The following TMEM74 variants were observed in gnomAD, a reference collection of about 807,000 sequenced individuals.
The protein encoded by TMEM74 is transmembrane protein 74.
TMEM74 carries 13 observed loss-of-function variants against 18.1 expected under a neutral mutation model. The observed-to-expected ratio is 0.72, with a 90% confidence interval of 0.47 to 1.14. TMEM74 has a LOEUF of 1.14. TMEM74 is among the 50% of genes most tolerant of loss of function. The probability of loss-of-function intolerance (pLI) is 0.00; values close to 1 mark genes in which losing one functional copy is unlikely to be tolerated. For missense variants in TMEM74, 372 were observed against 375.9 expected (o/e 0.99, Z 0.09); for synonymous variants, 159 against 146.6 (o/e 1.08, Z -0.61).
Position 108,784,688 on chromosome 8 carries a change from C to G in TMEM74, c.411G>C (p.Gly137=). The change falls in exon 2 of 2, where the codon GGG becomes GGC. Residue 137 remains glycine (G), a synonymous_variant. Coordinates refer to ENST00000297459, the MANE Select transcript of TMEM74 (RefSeq NM_153015.3). Reference sequence around the variant, plus strand: ...CATTTGGATTTTCCCAGCCAAGCTCCCCAGGGTGATTATGCCCTTTTGCTG... The same window carrying G: ...CATTTGGATTTTCCCAGCCAAGCTCGCCAGGGTGATTATGCCCTTTTGCTG... ...SPSAKGHNHP[G]ELGWENPNEW... is the part of the protein sequence containing the mutation. 6.2e-7 allele frequency: 1 copy of G among 1,614,170 alleles called. No homozygotes were observed. The highest frequency in any genetic ancestry group is 8.5e-7 in the Non-Finnish European group (1 of 1,180,016).
At chr8:108,760,239 C>T (rs1467268289) in intron 1 of TMEM74, among the ~76,000 whole-genome samples, 1 of 151,612 alleles carries the variant, frequency 6.6e-6, no homozygotes, top group African/African-American at 2.4e-5. Context: ...CTTTGACAAA[C>T]AGACCATATA....
At chr8:108,731,630 C>A (rs1813696412) in intron 1 of TMEM74, among the ~76,000 whole-genome samples, 1 of 152,168 alleles carries the variant, frequency 6.6e-6, no homozygotes, top group African/African-American at 2.4e-5. Context: ...TAATAATTTT[C>A]TGTCTTATGC....
chr8:108,737,587 A>G (rs545920775), intron 1 of TMEM74, among the ~76,000 whole-genome samples: 2 of 152,286 alleles, frequency 1.3e-5, no homozygotes, highest in South Asian at 4.1e-4. Flanking sequence ...TATTGACAGA[A>G]AGACACTAAG....
At chr8:108,609,437 CAGGA>C (rs1265067600) in intron 2 of TMEM74, among the ~76,000 whole-genome samples, 1 of 152,142 alleles carries the variant, frequency 6.6e-6, no homozygotes, top group Non-Finnish European at 1.5e-5. Context: ...CACTTGAGGT[CAGGA>C]ATTGGATACC....
At chr8:108,677,912 A>T (rs898716023) in intron 1 of TMEM74, among the ~76,000 whole-genome samples, 2 of 152,098 alleles carry the variant, frequency 1.3e-5, no homozygotes, top group African/African-American at 4.8e-5. Context: ...GCGTGACCCA[A>T]GTTTTGACAA....
chr8:108,712,285 T>C (rs776142027), intron 1 of TMEM74, among the ~76,000 whole-genome samples: 19 of 152,200 alleles, frequency 1.2e-4, no homozygotes, highest in South Asian at 2.1e-4. Context: ...GTTTCCCCAT[T>C]GTTTAAATCA....
chr8:108,673,788 G>T (rs1813026991), intron 1 of TMEM74, among the ~76,000 whole-genome samples: 1 of 152,148 alleles, frequency 6.6e-6, no homozygotes, highest in Non-Finnish European at 1.5e-5. Flanking sequence ...GCTGAGATCA[G>T]AACAGATATT....
chr8:108,756,859 A>G (rs937036641), intron 1 of TMEM74, among the ~76,000 whole-genome samples: 5 of 151,790 alleles, frequency 3.3e-5, no homozygotes, highest in Non-Finnish European at 2.9e-5. Context: ...TAGATCTGCC[A>G]TTTTCTTGCT....
downstream of TMEM74, among the ~76,000 whole-genome samples, chr8:108,775,200 G>A (rs1053146787): frequency 6.6e-6 from 1 of 152,124 alleles, no homozygotes; most frequent in Non-Finnish European, 1.5e-5. Flanking sequence ...CCCTGTGGGT[G>A]GGGTAAATTC....
At chr8:108,786,364 T>G (rs73313570) in intron 1 of TMEM74, among the ~76,000 whole-genome samples, 11,629 of 152,202 alleles carry the variant, frequency 0.076, 643 homozygotes, top group African/African-American at 0.15. Flanking sequence ...GCTCCTTTTA[T>G]TTTGCTTCCA....
intron 1 of TMEM74, among the ~76,000 whole-genome samples, chr8:108,732,317 C>T (rs1035955716): frequency 7.2e-5 from 11 of 152,282 alleles, no homozygotes; most frequent in Admixed American, 5.2e-4. Context: ...GCTGTCCATT[C>T]TCTCCCCATT....
rs1199122765 is a variant in TMEM74 at position 108,730,634 on chromosome 8, C to CTTTT, written n.119+56838_119+56841dup. Among the ~76,000 whole-genome samples, 40 of 132,184 alleles carry CTTTT rather than the reference C, an allele frequency of 3.0e-4. 2 individuals carry two copies. Among genetic ancestry groups the CTTTT allele is most frequent in the African/African-American group, 1.2e-3 (38 of 32,678 alleles). 86.7% of individuals were successfully genotyped at this position (132,184 alleles called of 152,430 possible). On this transcript the variant is annotated intron_variant and non_coding_transcript_variant, in intron 1 of 3. Transcript: ENST00000518838. ...TTAGCTTTAAATGTATGCAGACTTC[C>CTTTT]TTTTTTTTTTTTTTTTTGTGACGGA...
At chr8:108,699,171 TCCTTCCTTCCTTCCTCCCTC>T (rs1419691664) in intron 1 of TMEM74, among the ~76,000 whole-genome samples, 24 of 87,532 alleles carry the variant, frequency 2.7e-4, no homozygotes, top group Admixed American at 1.9e-3. Flanking sequence ...CTTCCTTCCT[TCCTTCCTTCCTTCCTCCCTC>T]CCTCCCTCCC....
At chr8:108,620,197 T>C (rs970154136) in intron 2 of TMEM74, among the ~76,000 whole-genome samples, 3 of 152,182 alleles carry the variant, frequency 2.0e-5, no homozygotes, top group African/African-American at 7.2e-5. Context: ...TTCATCTACA[T>C]TTTCTCTGAG....
intron 1 of TMEM74, among the ~76,000 whole-genome samples, chr8:108,657,920 T>TATATATATA (rs1250225615): frequency 7.3e-6 from 1 of 137,788 alleles, no homozygotes; most frequent in African/African-American, 2.7e-5. Flanking sequence ...CATATATATA[T>TATATATATA]TTCGAGAAGT....
At chr8:108,709,379 C>A (rs1161236748) in intron 1 of TMEM74, among the ~76,000 whole-genome samples, 1 of 152,076 alleles carries the variant, frequency 6.6e-6, no homozygotes, top group Non-Finnish European at 1.5e-5. Context: ...TTTGTGACAA[C>A]ATCAATAAAC....
intron 1 of TMEM74, among the ~76,000 whole-genome samples, chr8:108,675,277 G>C (rs1239734041): frequency 6.6e-6 from 1 of 152,152 alleles, no homozygotes; most frequent in Non-Finnish European, 1.5e-5. Context: ...CCTGATATCA[G>C]TATCTTCTTC....
chr8:108,693,263 T>C (rs867771045), intron 1 of TMEM74, among the ~76,000 whole-genome samples: 1 of 151,852 alleles, frequency 6.6e-6, no homozygotes, highest in Non-Finnish European at 1.5e-5. Flanking sequence ...ATCTTTGGAG[T>C]AAGAAAGAAG....
rs1813588886 is a variant in TMEM74, at chr8:108,721,724, G to A, written n.119+65752C>T. On this transcript the variant is annotated intron_variant and non_coding_transcript_variant, in intron 1 of 3. Transcript: ENST00000518838. Reference sequence around the variant, plus strand: ...ATGAAAACAAAGACTTTTTATGAAAGCAAATTTATCTTGTTCACCGCTGTA... The same window carrying A: ...ATGAAAACAAAGACTTTTTATGAAAACAAATTTATCTTGTTCACCGCTGTA... 2.0e-5 allele frequency among the ~76,000 whole-genome samples: 3 copies of A among 152,178 alleles called. No homozygotes were observed. The South Asian group carries it at 6.2e-4, about 31-fold the overall frequency.
Sources: allele counts gnomAD v4.1 joint callset (sites outside exome capture counted in the v4.1 genomes callset), GRCh38; gene constraint gnomAD v4.1.1; transcripts MANE v1.5; gene names NCBI Gene and HGNC (gene_info 2026-07-23, HGNC 2026-07-21).